SH2D4A: variants seen among roughly 807,000 people sequenced by gnomAD.
The protein encoded by SH2D4A is SH2 domain-containing protein 4A.
In SH2D4A, 70 loss-of-function variants were observed where a neutral mutation model predicts 64.7. That is an observed-to-expected ratio of 1.08 (90% CI 0.89 to 1.32). The LOEUF (loss-of-function observed/expected upper bound fraction) is 1.32. Ranked by LOEUF, SH2D4A falls within the 40% of genes most tolerant of loss-of-function variation. The pLI, the probability that SH2D4A is intolerant of heterozygous loss-of-function variation, is 0.00. For synonymous variants in SH2D4A, 268 were observed against 200.7 expected (o/e 1.34, Z -2.83); for missense variants, 706 against 540.1 (o/e 1.31, Z -3.04).
intron 8 of SH2D4A, among the ~76,000 whole-genome samples, chr8:19,381,727 C>G (rs969603028): frequency 6.6e-6 from 1 of 152,126 alleles, no homozygotes; most frequent in Non-Finnish European, 1.5e-5. Context: ...TACCTTATTC[C>G]TGATGTTAGA....
At chr8:19,368,451 C>T (rs753490410) in intron 7 of SH2D4A, among the ~76,000 whole-genome samples, 4 of 152,028 alleles carry the variant, frequency 2.6e-5, no homozygotes, top group African/African-American at 4.8e-5. Context: ...TTGGGTAGTA[C>T]AGCCATTTTG....
At chr8:19,348,000 A>G (rs572768533) in intron 4 of SH2D4A, among the ~76,000 whole-genome samples, 1 of 152,322 alleles carries the variant, frequency 6.6e-6, no homozygotes, top group African/African-American at 2.4e-5. Flanking sequence ...TCATTTTTCT[A>G]TAACAACTAA....
At chr8:19,363,870 T>C in intron 6 of SH2D4A, 1 of 589,874 alleles carries the variant, frequency 1.7e-6, no homozygotes, top group Non-Finnish European at 3.0e-6. Context: ...CCCAGTCCTG[T>C]ATGAAGAGAG....
At chr8:19,381,516 G>T (rs928169545) in intron 8 of SH2D4A, among the ~76,000 whole-genome samples, 3 of 152,152 alleles carry the variant, frequency 2.0e-5, no homozygotes, top group Non-Finnish European at 4.4e-5. Flanking sequence ...TGTGTATCCT[G>T]CCACTTTGCT....
intron 7 of SH2D4A, among the ~76,000 whole-genome samples, chr8:19,367,063 T>C (rs1269172328): frequency 6.6e-6 from 1 of 151,176 alleles, no homozygotes; most frequent in African/African-American, 2.4e-5. Context: ...ACCAGCAATT[T>C]TTTTTATTGC....
At chr8:19,362,159 TC>T (rs2052901758) in intron 6 of SH2D4A, among the ~76,000 whole-genome samples, 1 of 152,198 alleles carries the variant, frequency 6.6e-6, no homozygotes, top group Admixed American at 6.5e-5. Flanking sequence ...TGATCTGCAG[TC>T]CCATTACAAC....
intron 4 of SH2D4A, among the ~76,000 whole-genome samples, chr8:19,349,343 A>G (rs548986911): frequency 6.6e-6 from 1 of 152,358 alleles, no homozygotes; most frequent in East Asian, 1.9e-4. Context: ...AAATGCTAGC[A>G]CCTTAAAATT....
intron 4 of SH2D4A, among the ~76,000 whole-genome samples, chr8:19,349,271 CTG>C (rs1299545205): frequency 6.6e-6 from 1 of 152,166 alleles, no homozygotes; most frequent in Non-Finnish European, 1.5e-5. Context: ...TTCTGTGTAA[CTG>C]TAATAGAATT....
intron 4 of SH2D4A, among the ~76,000 whole-genome samples, chr8:19,352,167 A>G (rs1361657743): frequency 1.3e-5 from 2 of 152,202 alleles, no homozygotes; most frequent in Non-Finnish European, 2.9e-5. Context: ...AGTGAACATA[A>G]TTCTTCTCAT....
At chr8:19,330,060 G>C (rs1228624424) in intron 2 of SH2D4A, among the ~76,000 whole-genome samples, 1 of 152,086 alleles carries the variant, frequency 6.6e-6, no homozygotes, top group Non-Finnish European at 1.5e-5. Context: ...CAGGGGAATG[G>C]GCACATCTCT....
chr8:19,386,940 C>G (rs1366202110), intron 8 of SH2D4A, among the ~76,000 whole-genome samples: 2 of 152,152 alleles, frequency 1.3e-5, no homozygotes, highest in East Asian at 3.9e-4. Flanking sequence ...CCACCACACC[C>G]AGATGATACT....
In SH2D4A at chr8:19,334,678, CTCT is replaced by C; in HGVS notation, c.342-5_342-3del. On this transcript the variant is annotated splice_polypyrimidine_tract_variant and splice_region_variant and intron_variant, in intron 3 of 9. Transcript: ENST00000265807. ...TTTTTTGAGAATTTCACTTTTGCCTCTCTTCAGAAAAACTCACTCTGAAGAATT... is the reference window on the plus strand; with the variant it reads ...TTTTTTGAGAATTTCACTTTTGCCTCTCAGAAAAACTCACTCTGAAGAATT... The C allele has an allele frequency of 6.3e-7, 1 of 1,581,560 alleles. No individual in the cohort carries two copies. Among genetic ancestry groups the C allele is most frequent in the Non-Finnish European group, 8.6e-7 (1 of 1,167,208 alleles).
intron 5 of SH2D4A, among the ~76,000 whole-genome samples, chr8:19,360,295 G>GTT (rs573228137): frequency 0.018 from 2,464 of 135,184 alleles, 73 homozygotes; most frequent in African/African-American, 0.059. Flanking sequence ...ATATTTTTCT[G>GTT]TTTTTTTTTT....
In SH2D4A at chr8:19,358,569, C is replaced by G. The variant is rs559148110; in HGVS notation, c.594+1286C>G. 2.0e-5 allele frequency among the ~76,000 whole-genome samples: 3 copies of G among 152,174 alleles called. No homozygotes were observed. The East Asian group carries it at 5.8e-4, about 29-fold the overall frequency. The stretch of plus-strand genomic sequence containing the variant: ...AAGCCATGTGGATGTCTGTTCCAGG[C>G]AGAGGGAACAGCAAGTCAAAGACAC... On this transcript the variant is annotated intron_variant, in intron 5 of 9. Transcript: ENST00000265807.
intron 7 of SH2D4A, among the ~76,000 whole-genome samples, chr8:19,371,945 T>C (rs1202803591): frequency 6.6e-6 from 1 of 152,172 alleles, no homozygotes; most frequent in African/African-American, 2.4e-5. Context: ...CTCTGTTCTT[T>C]CTTGAAGTTT....
intron 1 of SH2D4A, among the ~76,000 whole-genome samples, chr8:19,315,204 C>T (rs752520977): frequency 3.9e-5 from 6 of 152,074 alleles, no homozygotes; most frequent in Non-Finnish European, 7.4e-5. Context: ...GGTGCGATCT[C>T]GGCTCACTGT....
intron 1 of SH2D4A, chr8:19,314,025 CGGCGGGT>C: frequency 1.0e-6 from 1 of 995,040 alleles, no homozygotes; most frequent in Non-Finnish European, 1.2e-6. Context: ...AGAGCGGCCG[CGGCGGGT>C]GTCCGGTGTC....
At chr8:19,376,144 G>C (rs1466672478) in intron 8 of SH2D4A, among the ~76,000 whole-genome samples, 2 of 152,136 alleles carry the variant, frequency 1.3e-5, no homozygotes, top group Non-Finnish European at 2.9e-5. Flanking sequence ...AATCTGACAA[G>C]GTAGGAGGGA....
At chr8:19,347,296 T>A (rs139276695) in intron 4 of SH2D4A, among the ~76,000 whole-genome samples, 1 of 152,236 alleles carries the variant, frequency 6.6e-6, no homozygotes, top group East Asian at 1.9e-4. Flanking sequence ...CAAGGATGAA[T>A]GTAATGGGGA....
Sources: gnomAD v4.1 joint callset for allele counts (sites outside exome capture counted in the v4.1 genomes callset) on GRCh38, gnomAD v4.1.1 for gene constraint, MANE v1.5 for transcripts, NCBI Gene and HGNC (gene_info 2026-07-23, HGNC 2026-07-21) for gene names.